CAPN13: variants seen among roughly 807,000 people sequenced by gnomAD.
CAPN13 encodes calpain-13.
A neutral mutation model predicts 98.4 loss-of-function variants in CAPN13; 90 were observed. That is an observed-to-expected ratio of 0.92 (90% CI 0.77 to 1.09). The LOEUF (loss-of-function observed/expected upper bound fraction) is 1.09, where lower values mean the gene tolerates loss of function less well. Among genes scored for constraint, CAPN13 ranks in the 50% least tolerant of loss-of-function variants. CAPN13 has a pLI of 0.00. For missense variants in CAPN13, 887 were observed against 841.3 expected (o/e 1.05, Z -0.67); for synonymous variants, 330 against 305.5 (o/e 1.08, Z -0.84).
chr2:30,763,268 G>A (rs1672938594), intron 6 of CAPN13, 112 bp from the exon 7 acceptor site: 1 of 875,430 alleles, frequency 1.1e-6, no homozygotes, highest in South Asian at 1.6e-5. Flanking sequence ...GACTCACTTG[G>A]GACTGGTATA....
chr2:30,771,749 T>G (rs563471146), intron 4 of CAPN13, among the ~76,000 whole-genome samples: 1 of 152,220 alleles, frequency 6.6e-6, no homozygotes, highest in Non-Finnish European at 1.5e-5. Flanking sequence ...TGTAGTTGAA[T>G]GCTGGTCTTG....
chr2:30,734,577 T>C, intron 18 of CAPN13, 53 bp from the exon 19 acceptor site: 1 of 1,427,638 alleles, frequency 7.0e-7, no homozygotes. Flanking sequence ...AAGGTCTGGA[T>C]ACTCCTTTTC....
intron 3 of CAPN13, 143 bp from the exon 4 acceptor site, chr2:30,776,188 G>C: frequency 1.8e-6 from 1 of 557,676 alleles, no homozygotes; most frequent in Non-Finnish European, 3.2e-6. Context: ...GGAGAACCGG[G>C]GGAGGGAGTC....
intron 2 of CAPN13, among the ~76,000 whole-genome samples, chr2:30,782,856 T>C (rs1473341645): frequency 6.6e-6 from 1 of 152,212 alleles, no homozygotes; most frequent in Non-Finnish European, 1.5e-5. Context: ...TACTGTCCAA[T>C]ATGGTAGCCA....
At chr2:30,801,440 C>T (rs1675265508) in intron 1 of CAPN13, among the ~76,000 whole-genome samples, 1 of 150,970 alleles carries the variant, frequency 6.6e-6, no homozygotes, top group Non-Finnish European at 1.5e-5. Context: ...ATGGTGAAAC[C>T]CTAACAATAC....
At chr2:30,775,170 C>CAGTTTAATA (rs1673619208) in intron 4 of CAPN13, among the ~76,000 whole-genome samples, 1 of 152,200 alleles carries the variant, frequency 6.6e-6, no homozygotes, top group African/African-American at 2.4e-5. Context: ...TGGCTAGATG[C>CAGTTTAATA]AGTTTAATAT....
chr2:30,787,159 C>T lies in CAPN13; in HGVS notation c.167G>A (p.Arg56His), dbSNP rs150413415. 4.2e-4 allele frequency: 666 copies of T among 1,577,970 alleles called. 1 individual carries two copies. Among genetic ancestry groups the T allele is most frequent in the Non-Finnish European group, 5.0e-4 (585 of 1,161,554 alleles). The change falls in exon 2 of 23, where the codon CGC (arginine) becomes CAC (histidine). Residue 56 changes from arginine to histidine, a missense_variant. Coordinates refer to ENST00000295055, the MANE Select transcript of CAPN13 (RefSeq NM_144575.3). The stretch of plus-strand genomic sequence containing the variant: ...CCGCTTCCATATCACATTGGAGAGG[C>T]GTTTTTCCTGGAGCAGCTTCTGGCC... ...SIGQKLLQEK[R>H]LSNVIWKRPQ...
intron 1 of CAPN13, among the ~76,000 whole-genome samples, chr2:30,796,878 G>A (rs992620105): frequency 9.9e-5 from 15 of 152,100 alleles, no homozygotes; most frequent in Admixed American, 8.5e-4. Flanking sequence ...CCAGCTCTAG[G>A]GGCCACATTC....
chr2:30,732,292 C>T, intron 20 of CAPN13, 146 bp downstream of exon 20: 2 of 911,658 alleles, frequency 2.2e-6, no homozygotes, highest in Non-Finnish European at 3.3e-6. Context: ...CCATCTACAG[C>T]CTCGGTTGGC....
chr2:30,767,766 CT>C (rs1239360608), intron 5 of CAPN13, among the ~76,000 whole-genome samples: 2 of 152,172 alleles, frequency 1.3e-5, no homozygotes, highest in Non-Finnish European at 2.9e-5. Context: ...AAAAAGAGGT[CT>C]TGAGGCACCT....
At chr2:30,783,674 A>C (rs1674107663) in intron 2 of CAPN13, among the ~76,000 whole-genome samples, 2 of 152,192 alleles carry the variant, frequency 1.3e-5, no homozygotes, top group South Asian at 2.1e-4. Flanking sequence ...ATGAATACTC[A>C]AAACAGAATG....
intron 2 of CAPN13, among the ~76,000 whole-genome samples, chr2:30,782,536 T>C (rs1460104030): frequency 6.6e-6 from 1 of 152,222 alleles, no homozygotes; most frequent in East Asian, 1.9e-4. Context: ...CTTCCTTTCC[T>C]GAAGAGCACG....
At chr2:30,769,136 G>A (rs1482193163) in intron 5 of CAPN13, among the ~76,000 whole-genome samples, 1 of 152,158 alleles carries the variant, frequency 6.6e-6, no homozygotes, top group African/African-American at 2.4e-5. Context: ...TCCATGAAGT[G>A]TACCCACCCA....
chr2:30,747,589 G>A (rs1392854715), intron 11 of CAPN13, among the ~76,000 whole-genome samples: 2 of 152,140 alleles, frequency 1.3e-5, no homozygotes, highest in African/African-American at 2.4e-5. Context: ...TCCCATCAAG[G>A]TCTGGTTGGA....
chr2:30,782,617 G>A (rs1674042608), intron 2 of CAPN13, among the ~76,000 whole-genome samples: 1 of 152,212 alleles, frequency 6.6e-6, no homozygotes, highest in African/African-American at 2.4e-5. Context: ...GTGGAAGGAA[G>A]ATGTCACTGG....
chr2:30,780,409 T>C (rs932641660), intron 2 of CAPN13, among the ~76,000 whole-genome samples: 2 of 152,244 alleles, frequency 1.3e-5, no homozygotes, highest in Non-Finnish European at 2.9e-5. Flanking sequence ...AATGCAAGGA[T>C]AGTTTCACAT....
chr2:30,799,794 C>A (rs1366202312), intron 1 of CAPN13, among the ~76,000 whole-genome samples: 1 of 152,124 alleles, frequency 6.6e-6, no homozygotes, highest in African/African-American at 2.4e-5. Flanking sequence ...CTACACAGGG[C>A]CAGGCGCAGT....
At chr2:30,770,981 C>T (rs1325202753) in intron 4 of CAPN13, among the ~76,000 whole-genome samples, 2 of 152,180 alleles carry the variant, frequency 1.3e-5, no homozygotes, top group African/African-American at 4.8e-5. Context: ...AGACAGATGA[C>T]ATGGATGGCT....
rs1671521711 is a variant in CAPN13 at position 30,738,959 on chromosome 2, C to T, written c.1537-502G>A. Among the ~76,000 whole-genome samples, 4 of 152,174 alleles carry T rather than the reference C, an allele frequency of 2.6e-5. No individual in the cohort carries two copies. In the South Asian group the frequency reaches 8.3e-4, roughly 32 times the overall value. On this transcript the variant is annotated intron_variant, in intron 15 of 22. Coordinates refer to ENST00000295055, the MANE Select transcript of CAPN13 (RefSeq NM_144575.3). ...CAGAAATGTGGGCTAAGAGAAACTG[C>T]TATCATTGAGCACATTACGTAGCAT...
Sources: gnomAD v4.1 joint callset for allele counts (sites outside exome capture counted in the v4.1 genomes callset) on GRCh38, gnomAD v4.1.1 for gene constraint, MANE v1.5 for transcripts, NCBI Gene and HGNC (gene_info 2026-07-23, HGNC 2026-07-21) for gene names.